TUSC3: variants seen among roughly 807,000 people sequenced by gnomAD.
TUSC3 encodes tumor suppressor candidate 3, also known as dolichyl-diphosphooligosaccharide--protein glycosyltransferase subunit TUSC3.
TUSC3 carries 45 observed loss-of-function variants against 44.8 expected under a neutral mutation model. The ratio of observed to expected loss-of-function variants is 1.00; its 90% CI spans 0.79 to 1.29. The LOEUF is 1.29. TUSC3 is among the 50% of genes most tolerant of loss of function. The pLI, the probability that TUSC3 is intolerant of heterozygous loss-of-function variation, is 0.00. For synonymous variants in TUSC3, 212 were observed against 152.9 expected (o/e 1.39, Z -2.85); for missense variants, 519 against 437.9 (o/e 1.19, Z -1.65).
intron 1 of TUSC3, among the ~76,000 whole-genome samples, chr8:15,575,090 T>G (rs546011245): frequency 6.6e-6 from 1 of 152,274 alleles, no homozygotes; most frequent in African/African-American, 2.4e-5. Flanking sequence ...GTTTAAAAAA[T>G]ATTATTAGAT....
intron 2 of TUSC3, 31 bp downstream of exon 2, chr8:15,623,280 C>T: frequency 8.4e-6 from 13 of 1,542,874 alleles, no homozygotes; most frequent in Non-Finnish European, 1.1e-5. Flanking sequence ...ATATTAAAAA[C>T]TATTATTCTT....
chr8:15,808,184 T>A, the TUSC3 span, among the ~76,000 whole-genome samples: 2 of 152,166 alleles, frequency 1.3e-5, no homozygotes. Flanking sequence ...AACAATTACC[T>A]GCAATCTTTA....
At chr8:15,427,061 G>T (rs989745079) in intron 1 of TUSC3, among the ~76,000 whole-genome samples, 5 of 141,746 alleles carry the variant, frequency 3.5e-5, no homozygotes, top group African/African-American at 1.3e-4. Flanking sequence ...ATTAGTTTTT[G>T]TTTGTTGTTT....
At chr8:15,694,807 T>TGGAA (rs1307978185) in intron 6 of TUSC3, among the ~76,000 whole-genome samples, 1 of 152,092 alleles carries the variant, frequency 6.6e-6, no homozygotes, top group Non-Finnish European at 1.5e-5. Flanking sequence ...GGGGGTGAGT[T>TGGAA]GTTCCCAGAT....
chr8:15,619,602 C>A (rs970916103), intron 1 of TUSC3, among the ~76,000 whole-genome samples: 6 of 152,106 alleles, frequency 3.9e-5, no homozygotes, highest in Admixed American at 1.3e-4. Flanking sequence ...CGCCATTCTC[C>A]TGCCTCAGCC....
At chr8:15,738,827 C>CTTTTTTTTTTTTTTCTTTTT (rs1563198661) in intron 7 of TUSC3, among the ~76,000 whole-genome samples, 2 of 87,156 alleles carry the variant, frequency 2.3e-5, no homozygotes, top group Non-Finnish European at 2.1e-5. Context: ...ATATATCTTG[C>CTTTTTTTTTTTTTTCTTTTT]TTTTTTTTTT....
chr8:15,476,231 G>A (rs1000984435), intron 1 of TUSC3, among the ~76,000 whole-genome samples: 7 of 152,236 alleles, frequency 4.6e-5, no homozygotes, highest in Admixed American at 2.0e-4. Context: ...TGTGAACCCT[G>A]AGTAGGATGA....
chr8:15,656,647 A>G (rs566141519), intron 3 of TUSC3, among the ~76,000 whole-genome samples: 8 of 147,712 alleles, frequency 5.4e-5, no homozygotes, highest in Admixed American at 2.0e-4. Context: ...TCCCAGGCCC[A>G]AGCCCACGCA....
At chr8:15,743,864 C>G (rs1297199979) in intron 8 of TUSC3, among the ~76,000 whole-genome samples, 1 of 151,954 alleles carries the variant, frequency 6.6e-6, no homozygotes, top group Non-Finnish European at 1.5e-5. Flanking sequence ...TGTCAGGGTG[C>G]TCTAATCCAT....
At chr8:15,672,983 C>G (rs1808014447) in intron 5 of TUSC3, among the ~76,000 whole-genome samples, 2 of 152,034 alleles carry the variant, frequency 1.3e-5, no homozygotes. Flanking sequence ...ACCTAGAGAA[C>G]ACATTTAGTC....
intron 2 of TUSC3, among the ~76,000 whole-genome samples, chr8:15,508,340 G>A (rs1315055604): frequency 6.6e-6 from 1 of 151,972 alleles, no homozygotes; most frequent in Non-Finnish European, 1.5e-5. Flanking sequence ...ATTAACTGAG[G>A]TGAAGAACAA....
chr8:15,464,466 T>A (rs1800389332), intron 1 of TUSC3, among the ~76,000 whole-genome samples: 1 of 152,216 alleles, frequency 6.6e-6, no homozygotes, highest in East Asian at 1.9e-4. Context: ...TAGGAAACAG[T>A]GCAGAGAAAA....
At chr8:15,699,162 T>G (rs1451279486) in intron 6 of TUSC3, among the ~76,000 whole-genome samples, 1 of 152,190 alleles carries the variant, frequency 6.6e-6, no homozygotes, top group East Asian at 1.9e-4. Context: ...TTCAGCCTAT[T>G]TTAAATGAAC....
chr8:15,497,451 C>T (rs545788024), intron 2 of TUSC3, among the ~76,000 whole-genome samples: 17 of 152,238 alleles, frequency 1.1e-4, no homozygotes, highest in African/African-American at 4.1e-4. Context: ...AATTAGATTC[C>T]AGAACTAAGG....
At chr8:15,561,547 T>C (rs376625554) in intron 1 of TUSC3, 589 of 151,866 alleles carry the variant, frequency 3.9e-3, no homozygotes, top group African/African-American at 7.3e-3. Flanking sequence ...TCGAGCTTCC[T>C]GGCTGCTTTG....
chr8:15,798,619 T>C, the TUSC3 span, among the ~76,000 whole-genome samples: 5,991 of 146,310 alleles, frequency 0.041, 123 homozygotes, highest in African/African-American at 0.062. Context: ...TGCAAATTTG[T>C]TCATCCCAGT....
chr8:15,455,179 G>T (rs970004536), intron 1 of TUSC3, among the ~76,000 whole-genome samples: 1 of 152,110 alleles, frequency 6.6e-6, no homozygotes, highest in Non-Finnish European at 1.5e-5. Context: ...TCCTAGAAAA[G>T]TAAACACATA....
Position 15,711,420 on chromosome 8 carries a change from T to C in TUSC3, c.799-19246T>C, listed in dbSNP as rs536205902. Among the ~76,000 whole-genome samples the C allele has an allele frequency of 3.3e-5, 5 of 150,798 alleles. No individual in the cohort carries two copies. The South Asian group carries it at 6.2e-4, about 19-fold the overall frequency. On this transcript the variant is annotated intron_variant, in intron 6 of 10. Coordinates refer to ENST00000503731, the MANE Select transcript of TUSC3 (RefSeq NM_006765.4). ...TTACTTTTTCTAAACCAAAAACTTA[T>C]CTCAGAAAAGAGGTTACCAGGTTTT...
At chr8:15,833,213 G>T in the TUSC3 span, among the ~76,000 whole-genome samples, 5 of 152,202 alleles carry the variant, frequency 3.3e-5, 1 homozygote, top group South Asian at 1.0e-3. Flanking sequence ...AAAATAACAG[G>T]TGCTGGCAAG....
Sources: allele counts gnomAD v4.1 joint callset (sites outside exome capture counted in the v4.1 genomes callset), GRCh38; gene constraint gnomAD v4.1.1; transcripts MANE v1.5; gene names NCBI Gene and HGNC (gene_info 2026-07-23, HGNC 2026-07-21).